PTPRM: variants seen among roughly 807,000 people sequenced by gnomAD.
The protein encoded by PTPRM is protein tyrosine phosphatase receptor type M.
Under a neutral mutation model 186.7 loss-of-function variants are expected in PTPRM, and 47 were observed. That is an observed-to-expected ratio of 0.25 (90% CI 0.20 to 0.32). PTPRM has a LOEUF of 0.32. Among genes scored for constraint, PTPRM ranks in the 10% least tolerant of loss-of-function variants. PTPRM has a pLI of 1.00. For synonymous variants in PTPRM, 668 were observed against 674.9 expected (o/e 0.99, Z 0.16); for missense variants, 1,494 against 1,865.0 (o/e 0.80, Z 3.66).
chr18:7,713,535 G>T (rs2144797577), intron 1 of PTPRM, among the ~76,000 whole-genome samples: 1 of 152,206 alleles, frequency 6.6e-6, no homozygotes, highest in Non-Finnish European at 1.5e-5. Flanking sequence ...AACCTTAAAT[G>T]TAAACAGGTT....
intron 2 of PTPRM, among the ~76,000 whole-genome samples, chr18:7,782,990 T>TA (rs1253027183): frequency 6.6e-6 from 1 of 152,194 alleles, no homozygotes; most frequent in Non-Finnish European, 1.5e-5. Context: ...AAATATTTGC[T>TA]AAAAAGTATA....
intron 1 of PTPRM, among the ~76,000 whole-genome samples, chr18:7,722,214 G>A (rs2040459646): frequency 6.6e-6 from 1 of 152,078 alleles, no homozygotes; most frequent in Admixed American, 6.5e-5. Flanking sequence ...CCATAGTTTT[G>A]GCTTTTCCAG....
At chr18:7,748,984 A>G (rs1260671141) in intron 1 of PTPRM, 1 of 152,220 alleles carries the variant, frequency 6.6e-6, no homozygotes, top group Non-Finnish European at 1.5e-5. Flanking sequence ...TCCTCCATTG[A>G]TATTTCTTGA....
intron 14 of PTPRM, among the ~76,000 whole-genome samples, chr18:8,215,848 T>G (rs2094077035): frequency 6.6e-6 from 1 of 152,144 alleles, no homozygotes; most frequent in East Asian, 1.9e-4. Context: ...AGGCAGCTAT[T>G]GCTTCTTATC....
At chr18:7,894,629 C>T (rs1263403959) in intron 3 of PTPRM, among the ~76,000 whole-genome samples, 1 of 150,918 alleles carries the variant, frequency 6.6e-6, no homozygotes, top group Non-Finnish European at 1.5e-5. Flanking sequence ...ATTTTTTTTC[C>T]AGTATTATGT....
At position 8,235,100 on chromosome 18, in the gene PTPRM, G is replaced by A. The variant is rs145463819; in HGVS notation, c.2301-8958G>A. Among the ~76,000 whole-genome samples the A allele has an allele frequency of 5.5e-4, 84 of 152,212 alleles. 2 individuals are homozygous for A. In the Middle Eastern group the frequency reaches 0.017, roughly 31 times the overall value. On this transcript the variant is annotated intron_variant, in intron 14 of 32. Coordinates refer to ENST00000580170, the MANE Select transcript of PTPRM (RefSeq NM_001105244.2). ...TAGGGAAATGCTGGCCTTTTAGAAT[G>A]AGCTAGGAAGTATTCTCTATTTATG...
chr18:8,028,321 C>T (rs1024051665), intron 7 of PTPRM, among the ~76,000 whole-genome samples: 1 of 152,256 alleles, frequency 6.6e-6, no homozygotes, highest in East Asian at 1.9e-4. Flanking sequence ...TTTCTAAACA[C>T]CTTCCAGTCT....
intron 14 of PTPRM, among the ~76,000 whole-genome samples, chr18:8,195,152 C>CTTTTTTTT (rs1164451439): frequency 8.5e-6 from 1 of 117,066 alleles, no homozygotes; most frequent in African/African-American, 3.2e-5. Context: ...CTTAGAAGTT[C>CTTTTTTTT]TTTTTTTTTT....
At chr18:8,219,400 G>A (rs1250680375) in intron 14 of PTPRM, among the ~76,000 whole-genome samples, 1 of 152,010 alleles carries the variant, frequency 6.6e-6, no homozygotes, top group African/African-American at 2.4e-5. Flanking sequence ...CCAGGAGGCA[G>A]AGGTTGCAGT....
At chr18:7,772,732 C>G (rs1254820170) in intron 1 of PTPRM, among the ~76,000 whole-genome samples, 4 of 152,126 alleles carry the variant, frequency 2.6e-5, no homozygotes, top group African/African-American at 7.2e-5. Flanking sequence ...TCTGTTTTTG[C>G]TCTGAGGTTG....
chr18:7,679,911 G>A (rs2039441628), intron 1 of PTPRM, among the ~76,000 whole-genome samples: 2 of 151,992 alleles, frequency 1.3e-5, no homozygotes, highest in African/African-American at 4.8e-5. Context: ...GGTCACTCAG[G>A]CTGGAGTGCA....
At chr18:7,800,060 T>C (rs2043873345) in intron 2 of PTPRM, among the ~76,000 whole-genome samples, 1 of 152,174 alleles carries the variant, frequency 6.6e-6, no homozygotes. Context: ...CTTACAAATA[T>C]GAATCTAGGT....
At chr18:8,253,136 G>A (rs1270379457) in intron 18 of PTPRM, 91 bp from the exon 19 acceptor site, 1 of 1,102,000 alleles carries the variant, frequency 9.1e-7, no homozygotes, top group Non-Finnish European at 1.2e-6. Context: ...CTAGGTGAGG[G>A]GATGCCAGGA....
chr18:8,369,518 G>T (rs1482407205), intron 23 of PTPRM, among the ~76,000 whole-genome samples: 2 of 152,200 alleles, frequency 1.3e-5, no homozygotes, highest in African/African-American at 4.8e-5. Flanking sequence ...AGAAGGAATG[G>T]GTTGGTTAAG....
At chr18:8,174,055 G>C (rs1434464929) in intron 14 of PTPRM, among the ~76,000 whole-genome samples, 1 of 142,612 alleles carries the variant, frequency 7.0e-6, no homozygotes, top group African/African-American at 2.7e-5. Flanking sequence ...AACAGAGCGA[G>C]ACTCTGTCTC....
chr18:7,887,874 C>A, intron 2 of PTPRM: 1 of 684,228 alleles, frequency 1.5e-6, no homozygotes, highest in Non-Finnish European at 2.7e-6. Flanking sequence ...AGTCAAATTA[C>A]AGTAACATCC....
intron 6 of PTPRM, 44 bp downstream of exon 6, chr18:7,949,399 T>A: frequency 6.6e-7 from 1 of 1,522,752 alleles, no homozygotes; most frequent in South Asian, 1.2e-5. Context: ...CTAAAGTAGA[T>A]ATGTTAGGTG....
At chr18:7,977,239 G>T (rs549918035) in intron 7 of PTPRM, among the ~76,000 whole-genome samples, 13 of 152,024 alleles carry the variant, frequency 8.6e-5, no homozygotes, top group Non-Finnish European at 1.6e-4. Context: ...ACAGGCACCT[G>T]CCACCACGCC....
chr18:8,129,916 A>G lies in PTPRM; in HGVS notation c.2168-13731A>G, dbSNP rs1359868844. 3.3e-5 allele frequency among the ~76,000 whole-genome samples: 5 copies of G among 152,338 alleles called. No individual in the cohort carries two copies. In the South Asian group the frequency reaches 8.3e-4, roughly 25 times the overall value. Reference sequence around the variant, plus strand: ...AGAAGTCAGGCTGGTGAATGGAAAGAGAAAAAGCACAGTCCTTAGAGGAGA... The same window carrying G: ...AGAAGTCAGGCTGGTGAATGGAAAGGGAAAAAGCACAGTCCTTAGAGGAGA... On this transcript the variant is annotated intron_variant, in intron 13 of 32. Transcript: ENST00000580170.
Sources: gnomAD v4.1 joint callset for allele counts (sites outside exome capture counted in the v4.1 genomes callset) on GRCh38, gnomAD v4.1.1 for gene constraint, MANE v1.5 for transcripts, NCBI Gene and HGNC (gene_info 2026-07-23, HGNC 2026-07-21) for gene names.